PCDH15: variants seen among roughly 807,000 people sequenced by gnomAD.
The protein encoded by PCDH15 is protocadherin related 15.
A neutral mutation model predicts 178.5 loss-of-function variants in PCDH15; 129 were observed. The ratio of observed to expected loss-of-function variants is 0.72; its 90% CI spans 0.63 to 0.84. The LOEUF (loss-of-function observed/expected upper bound fraction) is 0.84. Among genes scored for constraint, PCDH15 ranks in the 40% least tolerant of loss-of-function variants. PCDH15 has a pLI of 0.00. For missense variants in PCDH15, 2,230 were observed against 2,099.9 expected (o/e 1.06, Z -1.21); for synonymous variants, 800 against 732.0 (o/e 1.09, Z -1.50).
rs150900103 is a variant in PCDH15, at chr10:55,420,081, G to T, written c.-156+207544C>A. Among the ~76,000 whole-genome samples the T allele has an allele frequency of 4.1e-3, 617 of 151,758 alleles. 6 individuals carry two copies. The highest frequency in any genetic ancestry group is 6.9e-3 in the Non-Finnish European group (470 of 67,752). On this transcript the variant is annotated intron_variant, in intron 2 of 5. Transcript: ENST00000613346. Reference sequence around the variant, plus strand: ...GGGTTGACTGATCTAAACTGGGCTTGCATCCATCCCACATATTGCTTATAC... The same window carrying T: ...GGGTTGACTGATCTAAACTGGGCTTTCATCCATCCCACATATTGCTTATAC...
chr10:53,947,541 G>A (rs1368866145), intron 23 of PCDH15, among the ~76,000 whole-genome samples: 1 of 151,708 alleles, frequency 6.6e-6, no homozygotes, highest in Admixed American at 6.6e-5. Flanking sequence ...TAATAAAAAT[G>A]GGAAGGGAAG....
chr10:54,717,704 G>A (rs553259608), intron 1 of PCDH15, among the ~76,000 whole-genome samples: 2,787 of 138,184 alleles, frequency 0.02, 257 homozygotes, highest in African/African-American at 0.071. Context: ...TCAGTGTGGC[G>A]ATTCCTCAGG....
chr10:55,553,233 A>C, intron 2 of PCDH15, among the ~76,000 whole-genome samples: 1 of 151,556 alleles, frequency 6.6e-6, no homozygotes, highest in Non-Finnish European at 1.5e-5. Flanking sequence ...CATGAAATCC[A>C]AATTCATGTT....
chr10:54,436,310 AC>A (rs2075415777), intron 3 of PCDH15, among the ~76,000 whole-genome samples: 1 of 152,104 alleles, frequency 6.6e-6, no homozygotes, highest in African/African-American at 2.4e-5. Context: ...AAGTAAAGTT[AC>A]CCTGGCTTAT....
Position 54,280,563 on chromosome 10 carries a change from G to A in PCDH15, c.876+36708C>T, listed in dbSNP as rs561685977. 8.6e-5 allele frequency among the ~76,000 whole-genome samples: 13 copies of A among 151,808 alleles called. No individual in the cohort carries two copies. The South Asian group carries it at 2.7e-3, about 31-fold the overall frequency. The stretch of plus-strand genomic sequence containing the variant: ...TTCAATTTCTTTCTCTTTGGCTCCT[G>A]ACCCACTGTCTTTGTTTCAGAATAA... On this transcript the variant is annotated intron_variant, in intron 8 of 37. Coordinates refer to ENST00000644397, the MANE Select transcript of PCDH15 (RefSeq NM_001384140.1).
intron 2 of PCDH15, among the ~76,000 whole-genome samples, chr10:55,513,998 G>C (rs1276827877): frequency 1.3e-5 from 2 of 151,892 alleles, no homozygotes; most frequent in African/African-American, 4.8e-5. Context: ...CCATGGGGCT[G>C]GTTGGCATCT....
chr10:54,779,503 CATATATGTGTGTAT>C (rs1950136420), intron 1 of PCDH15, among the ~76,000 whole-genome samples: 4 of 139,508 alleles, frequency 2.9e-5, no homozygotes, highest in Non-Finnish European at 1.6e-5. Context: ...TATATACACA[CATATATGTGTGTAT>C]ATATATATAC....
chr10:55,114,051 C>T (rs1287063210), intron 2 of PCDH15, among the ~76,000 whole-genome samples: 1 of 152,146 alleles, frequency 6.6e-6, no homozygotes, highest in Non-Finnish European at 1.5e-5. Context: ...CAGGTTCACA[C>T]CATTCTCCTG....
At chr10:55,461,828 C>A (rs888125106) in intron 2 of PCDH15, among the ~76,000 whole-genome samples, 1 of 152,106 alleles carries the variant, frequency 6.6e-6, no homozygotes, top group Non-Finnish European at 1.5e-5. Flanking sequence ...ACAGAAAACC[C>A]ACCAGACAAT....
intron 2 of PCDH15, among the ~76,000 whole-genome samples, chr10:55,354,149 A>T (rs1319914919): frequency 6.6e-6 from 1 of 152,048 alleles, no homozygotes; most frequent in Non-Finnish European, 1.5e-5. Context: ...TAAAACAATG[A>T]GACATACAAT....
At position 54,753,199 on chromosome 10, in the gene PCDH15, T is replaced by A. The variant is rs1014120451; in HGVS notation, c.-29+47726A>T. Among the ~76,000 whole-genome samples the A allele has an allele frequency of 5.9e-5, 9 of 152,220 alleles. 1 individual carries two copies. The East Asian group carries it at 1.5e-3, about 26-fold the overall frequency. On this transcript the variant is annotated intron_variant, in intron 1 of 37. Coordinates refer to ENST00000644397, the MANE Select transcript of PCDH15 (RefSeq NM_001384140.1). ...AAAATAGAGACGTGATTTTTTTTTT[T>A]ATTTTCGAGACAGGGTCTCTGTCAC...
At chr10:55,116,322 C>A (rs79772817) in intron 2 of PCDH15, among the ~76,000 whole-genome samples, 6,159 of 152,108 alleles carry the variant, frequency 0.04, 295 homozygotes, top group East Asian at 0.14. Flanking sequence ...TATTTTCTTT[C>A]TTTGTTTATT....
chr10:54,093,401 G>C (rs1311282059), intron 15 of PCDH15, among the ~76,000 whole-genome samples: 1 of 152,114 alleles, frequency 6.6e-6, no homozygotes, highest in Non-Finnish European at 1.5e-5. Context: ...AAAGGAAATG[G>C]TGTAATCTGT....
intron 30 of PCDH15, 32 bp from the exon 31 acceptor site, chr10:53,828,605 A>G (rs1313047775): frequency 6.6e-7 from 1 of 1,514,828 alleles, no homozygotes; most frequent in East Asian, 2.3e-5. Context: ...AGAAAAATAG[A>G]AAGCTACATT....
chr10:55,390,583 C>A (rs976367516), intron 2 of PCDH15, among the ~76,000 whole-genome samples: 2 of 152,204 alleles, frequency 1.3e-5, no homozygotes, highest in African/African-American at 4.8e-5. Context: ...TGGCAAATAA[C>A]GTTTTCAATT....
chr10:55,061,097 T>G (rs538049976), intron 2 of PCDH15, among the ~76,000 whole-genome samples: 8 of 152,248 alleles, frequency 5.3e-5, no homozygotes, highest in African/African-American at 1.9e-4. Flanking sequence ...ATATTAAAAT[T>G]TTCTGTTCTC....
chr10:55,463,383 A>G (rs1839722010), intron 2 of PCDH15, among the ~76,000 whole-genome samples: 1 of 152,124 alleles, frequency 6.6e-6, no homozygotes, highest in Admixed American at 6.6e-5. Flanking sequence ...ACAGTGGCTT[A>G]TGTTTGTAAT....
At chr10:54,057,784 T>C (rs554697672) in intron 18 of PCDH15, among the ~76,000 whole-genome samples, 2 of 152,308 alleles carry the variant, frequency 1.3e-5, no homozygotes, top group East Asian at 3.9e-4. Flanking sequence ...AGGCTGCAAA[T>C]TTCTCCAACT....
chr10:55,295,068 G>A (rs1020887562), intron 1 of PCDH15, among the ~76,000 whole-genome samples: 24 of 152,108 alleles, frequency 1.6e-4, no homozygotes, highest in African/African-American at 5.8e-4. Flanking sequence ...GACTCTTGAA[G>A]TCTGTTTTCT....
Sources: allele counts gnomAD v4.1 joint callset (sites outside exome capture counted in the v4.1 genomes callset), GRCh38; gene constraint gnomAD v4.1.1; transcripts MANE v1.5; gene names NCBI Gene and HGNC (gene_info 2026-07-23, HGNC 2026-07-21).